Variants in CTNNA2 observed in about 807,000 individuals in gnomAD.
CTNNA2 encodes the protein catenin alpha-2.
CTNNA2 carries 42 observed loss-of-function variants against 101.0 expected under a neutral mutation model. The observed-to-expected ratio is 0.42, with a 90% CI of 0.32 to 0.54. CTNNA2 has a LOEUF of 0.54. CTNNA2 is among the 20% of genes least tolerant of loss of function. CTNNA2 has a pLI of 0.14. For missense variants in CTNNA2, 871 were observed against 1,223.1 expected (o/e 0.71, Z 4.29); for synonymous variants, 450 against 456.4 (o/e 0.99, Z 0.18).
chr2:79,487,629 G>A (rs753990933), intron 4 of CTNNA2, among the ~76,000 whole-genome samples: 1 of 152,156 alleles, frequency 6.6e-6, no homozygotes, highest in Non-Finnish European at 1.5e-5. Flanking sequence ...TTCCAGCTGA[G>A]CTCTCAGCCT....
At chr2:80,260,144 T>G (rs1021703049) in intron 7 of CTNNA2, among the ~76,000 whole-genome samples, 2 of 152,174 alleles carry the variant, frequency 1.3e-5, no homozygotes, top group Non-Finnish European at 2.9e-5. Flanking sequence ...AGTATCTCAA[T>G]TATGTGGCAA....
At chr2:79,387,044 T>G (rs544476208) in intron 4 of CTNNA2, among the ~76,000 whole-genome samples, 8 of 152,348 alleles carry the variant, frequency 5.3e-5, no homozygotes, top group African/African-American at 1.7e-4. Flanking sequence ...GCCACCCTTA[T>G]AAGTTGTCTC....
chr2:79,920,098 T>G (rs1398641518), intron 7 of CTNNA2, among the ~76,000 whole-genome samples: 1 of 152,158 alleles, frequency 6.6e-6, no homozygotes, highest in Non-Finnish European at 1.5e-5. Context: ...ATGCCTGTAA[T>G]CCCAGCTACT....
chr2:79,747,705 T>G (rs962306946), intron 3 of CTNNA2, among the ~76,000 whole-genome samples: 1 of 152,224 alleles, frequency 6.6e-6, no homozygotes, highest in Admixed American at 6.5e-5. Context: ...TTGGCCAGAC[T>G]ATCCTAGGAG....
intron 7 of CTNNA2, among the ~76,000 whole-genome samples, chr2:80,287,197 T>G (rs1674843245): frequency 6.6e-6 from 1 of 152,086 alleles, no homozygotes; most frequent in Admixed American, 6.6e-5. Context: ...CATGAAAATT[T>G]TACTGAGTAG....
At chr2:79,782,945 TCTTC>T (rs931683268) in intron 3 of CTNNA2, among the ~76,000 whole-genome samples, 2 of 150,584 alleles carry the variant, frequency 1.3e-5, no homozygotes, top group Non-Finnish European at 2.9e-5. Context: ...TAGTATGTTT[TCTTC>T]CTTCTTTCTT....
In CTNNA2 at chr2:80,395,001, C is replaced by T. The variant is rs572658579; in HGVS notation, c.1137+1710C>T. ...TTTTTTTACATTCAAGAACAAGCCC[C>T]CTCAGCTCTTTTCAATCATGGACCA... On this transcript the variant is annotated intron_variant, in intron 8 of 18. Transcript: ENST00000402739. 2.4e-4 allele frequency among the ~76,000 whole-genome samples: 37 copies of T among 152,194 alleles called. No individual in the cohort carries two copies. In the South Asian group the frequency reaches 7.5e-3, roughly 31 times the overall value.
At chr2:80,488,196 C>A (rs1278838689) in intron 9 of CTNNA2, among the ~76,000 whole-genome samples, 2 of 152,170 alleles carry the variant, frequency 1.3e-5, no homozygotes, top group Non-Finnish European at 2.9e-5. Flanking sequence ...GATGGTTTTA[C>A]CTCCTATGGA....
intron 7 of CTNNA2, among the ~76,000 whole-genome samples, chr2:80,122,530 A>G (rs1156749894): frequency 1.3e-5 from 2 of 152,046 alleles, no homozygotes; most frequent in Admixed American, 6.6e-5. Flanking sequence ...ACCAGCAGTC[A>G]TTTTCAAGCT....
chr2:79,977,905 G>T (rs945385452), intron 7 of CTNNA2, among the ~76,000 whole-genome samples: 3 of 152,018 alleles, frequency 2.0e-5, no homozygotes, highest in Admixed American at 2.0e-4. Flanking sequence ...CCTTTACTGA[G>T]TACCTGTTGG....
chr2:79,458,526 A>AT (rs1026126773), intron 4 of CTNNA2, among the ~76,000 whole-genome samples: 5 of 151,956 alleles, frequency 3.3e-5, no homozygotes, highest in Middle Eastern at 3.2e-3. Context: ...CCACTCACTT[A>AT]TTTTTTCATC....
rs144731265 is a variant in CTNNA2, at chr2:79,679,191, G to A, written c.102+27533G>A. On this transcript the variant is annotated intron_variant, in intron 2 of 18. Coordinates refer to ENST00000402739, the MANE Select transcript of CTNNA2 (RefSeq NM_001282597.3). ...AGTTTTAACAGTGGGTTTTCCTGGT[G>A]TATCTAAAATATAGTTTAACTTTCT... is the stretch of plus-strand genomic sequence containing the variant. Among the ~76,000 whole-genome samples, 129 of 152,250 alleles carry A rather than the reference G, an allele frequency of 8.5e-4. 1 individual carries two copies. Among genetic ancestry groups the A allele is most frequent in the African/African-American group, 3.0e-3 (123 of 41,540 alleles).
intron 9 of CTNNA2, among the ~76,000 whole-genome samples, chr2:80,466,845 A>G (rs60839303): frequency 0.062 from 9,439 of 152,272 alleles, 968 homozygotes; most frequent in African/African-American, 0.21. Context: ...TTTAGATAAC[A>G]AGAGGGCTAC....
At chr2:79,649,301 G>C (rs560465279) in intron 1 of CTNNA2, 1 of 154,708 alleles carries the variant, frequency 6.5e-6, no homozygotes, top group Non-Finnish European at 1.5e-5. Flanking sequence ...TCTCTATGCA[G>C]TCTTACCCAG....
intron 4 of CTNNA2, among the ~76,000 whole-genome samples, chr2:79,433,109 A>G (rs1311346479): frequency 6.6e-6 from 1 of 152,212 alleles, no homozygotes; most frequent in Non-Finnish European, 1.5e-5. Flanking sequence ...CAATGGCTGG[A>G]GTCCATCCCC....
intron 4 of CTNNA2, among the ~76,000 whole-genome samples, chr2:79,487,577 G>A (rs1346990573): frequency 6.6e-6 from 1 of 152,192 alleles, no homozygotes; most frequent in Admixed American, 6.5e-5. Context: ...CAGAGGCCAC[G>A]TGCAAGTGCT....
At chr2:79,913,168 G>A (rs1274766180) in intron 7 of CTNNA2, among the ~76,000 whole-genome samples, 1 of 152,170 alleles carries the variant, frequency 6.6e-6, no homozygotes, top group Non-Finnish European at 1.5e-5. Context: ...ATGCAAAGAG[G>A]AAGTCTAAAA....
At chr2:80,013,304 G>A (rs558907807) in intron 7 of CTNNA2, among the ~76,000 whole-genome samples, 1 of 152,212 alleles carries the variant, frequency 6.6e-6, no homozygotes, top group East Asian at 1.9e-4. Flanking sequence ...TAAAGGGACA[G>A]TCAAAAGAAC....
At chr2:80,399,751 A>G (rs1439559431) in intron 8 of CTNNA2, among the ~76,000 whole-genome samples, 1 of 152,212 alleles carries the variant, frequency 6.6e-6, no homozygotes, top group East Asian at 1.9e-4. Flanking sequence ...AGCAAAGAGA[A>G]TAATACCATT....
Sources: gnomAD v4.1 joint callset for allele counts (sites outside exome capture counted in the v4.1 genomes callset) on GRCh38, gnomAD v4.1.1 for gene constraint, MANE v1.5 for transcripts, NCBI Gene and HGNC (gene_info 2026-07-23, HGNC 2026-07-21) for gene names.